The following ALPK1 variants were observed in gnomAD, a reference collection of about 807,000 sequenced individuals.
ALPK1 encodes the protein alpha-protein kinase 1.
Under a neutral mutation model 120.6 loss-of-function variants are expected in ALPK1, and 110 were observed. The observed-to-expected ratio is 0.91, with a 90% CI of 0.78 to 1.07. ALPK1 has a LOEUF of 1.07. Among genes scored for constraint, ALPK1 ranks in the 50% least tolerant of loss-of-function variants. The pLI is 0.00. For synonymous variants in ALPK1, 582 were observed against 560.3 expected (o/e 1.04, Z -0.55); for missense variants, 1,498 against 1,483.9 (o/e 1.01, Z -0.16).
chr4:112,388,123 G>T (rs1355651039), intron 4 of ALPK1, among the ~76,000 whole-genome samples: 1 of 152,216 alleles, frequency 6.6e-6, no homozygotes, highest in Middle Eastern at 3.4e-3. Context: ...CTTTTTTATG[G>T]CTGCATAGTC....
At chr4:112,349,551 G>GCAC (rs71595592) in intron 2 of ALPK1, among the ~76,000 whole-genome samples, 1 of 103,766 alleles carries the variant, frequency 9.6e-6, no homozygotes, top group Non-Finnish European at 1.9e-5. Context: ...CCCAACCCCT[G>GCAC]CCCCCCCCCG....
chr4:112,299,783 T>C (rs756743163), intron 1 of ALPK1, among the ~76,000 whole-genome samples: 11 of 152,188 alleles, frequency 7.2e-5, no homozygotes, highest in Non-Finnish European at 1.3e-4. Flanking sequence ...ACTATTATAT[T>C]TCCTCGTAAA....
At chr4:112,320,028 C>T (rs1728798845) in intron 2 of ALPK1, among the ~76,000 whole-genome samples, 1 of 152,124 alleles carries the variant, frequency 6.6e-6, no homozygotes, top group Non-Finnish European at 1.5e-5. Flanking sequence ...ATTTGGATGC[C>T]CTTTATTTCT....
Position 112,402,261 on chromosome 4 carries a change from C to T in ALPK1, c.277-9566C>T, listed in dbSNP as rs372038559. Among the ~76,000 whole-genome samples the T allele has an allele frequency of 3.5e-4, 54 of 152,298 alleles. 1 individual carries two copies. Among genetic ancestry groups the T allele is most frequent in the East Asian group, 1.9e-3 (10 of 5,186 alleles). ...GTGCCAGATGGCTTCAGTTCTGAGC[C>T]CCTTCACCCAGCCCCTCCTTGAGAA... is the stretch of plus-strand genomic sequence containing the variant. On this transcript the variant is annotated intron_variant, in intron 4 of 15. Transcript: ENST00000650871.
chr4:112,381,141 A>C (rs1296518941), intron 3 of ALPK1, among the ~76,000 whole-genome samples: 1 of 152,196 alleles, frequency 6.6e-6, no homozygotes, highest in East Asian at 1.9e-4. Context: ...TGCAAGAGGG[A>C]CTGGACGGAG....
intron 2 of ALPK1, among the ~76,000 whole-genome samples, chr4:112,362,666 G>T (rs1461137782): frequency 6.6e-6 from 1 of 152,134 alleles, no homozygotes; most frequent in Admixed American, 6.5e-5. Flanking sequence ...CACATTTAAG[G>T]GAATAATCAA....
At chr4:112,402,355 C>T (rs1425135247) in intron 4 of ALPK1, among the ~76,000 whole-genome samples, 1 of 152,228 alleles carries the variant, frequency 6.6e-6, no homozygotes, top group Non-Finnish European at 1.5e-5. Context: ...AAACTTGATG[C>T]TCAGCATCGG....
chr4:112,358,457 A>G, intron 2 of ALPK1: 1 of 658,088 alleles, frequency 1.5e-6, no homozygotes, highest in Admixed American at 2.3e-5. Context: ...CAGGAAAGCT[A>G]AGAGTCTCGA....
chr4:112,343,624 A>G (rs1729972891), intron 2 of ALPK1: 1 of 152,258 alleles, frequency 6.6e-6, no homozygotes, highest in African/African-American at 2.4e-5. Flanking sequence ...CTCCATTTGA[A>G]TGATAACAAT....
Position 112,356,748 on chromosome 4 carries a change from G to A in ALPK1, c.-100-20930G>A, listed in dbSNP as rs554766592. On this transcript the variant is annotated intron_variant, in intron 2 of 15. Transcript: ENST00000650871. ...AAGAGGGGAAGCAAGCACGGAGTAT[G>A]CCCTTATTACCTGTCCCGGAACCTG... 30 of 807,192 alleles carry A rather than the reference G, an allele frequency of 3.7e-5. 1 individual carries two copies. The highest frequency in any genetic ancestry group is 3.7e-4 in the South Asian group (28 of 75,592). The allele number at this position is 807,192 out of a possible 1,614,324, so 50.0% of individuals were successfully genotyped here. A position where few individuals can be genotyped will look rare whatever the true frequency, so the allele number is the denominator to read the frequency against.
chr4:112,366,631 T>C (rs1237606853), intron 2 of ALPK1, among the ~76,000 whole-genome samples: 1 of 152,150 alleles, frequency 6.6e-6, no homozygotes, highest in Admixed American at 6.5e-5. Flanking sequence ...CTATGGAAAA[T>C]TGTGTGTAGA....
At chr4:112,349,550 T>TGCC (rs1553939319) in intron 2 of ALPK1, among the ~76,000 whole-genome samples, 2 of 65,056 alleles carry the variant, frequency 3.1e-5, no homozygotes, top group Non-Finnish European at 5.6e-5. Flanking sequence ...CCCCAACCCC[T>TGCC]GCCCCCCCCC....
intron 2 of ALPK1, among the ~76,000 whole-genome samples, chr4:112,375,848 A>C (rs1292896146): frequency 6.6e-6 from 1 of 151,760 alleles, no homozygotes; most frequent in Non-Finnish European, 1.5e-5. Context: ...TCAGCTTAAC[A>C]TTACTAGCTG....
chr4:112,324,594 A>G (rs1034447521), intron 2 of ALPK1, among the ~76,000 whole-genome samples: 2 of 152,162 alleles, frequency 1.3e-5, no homozygotes, highest in Non-Finnish European at 2.9e-5. Flanking sequence ...CCTCCCTCTC[A>G]GCATCCTGAG....
At chr4:112,427,314 T>A (rs952311990) in intron 8 of ALPK1, among the ~76,000 whole-genome samples, 1 of 116,484 alleles carries the variant, frequency 8.6e-6, no homozygotes, top group Admixed American at 8.4e-5. Flanking sequence ...TGTCAAAATG[T>A]CACATTGTAT....
At chr4:112,382,291 T>C (rs1008821442) in intron 3 of ALPK1, 107 bp from the exon 4 acceptor site, 13 of 112,762 alleles carry the variant, frequency 1.2e-4, no homozygotes, top group South Asian at 2.5e-4. Flanking sequence ...GTTTTTCTCT[T>C]TTTTTTTTTT....
chr4:112,335,085 C>T (rs1429908134), intron 2 of ALPK1, among the ~76,000 whole-genome samples: 2 of 152,040 alleles, frequency 1.3e-5, no homozygotes, highest in South Asian at 2.1e-4. Context: ...TGAAGAAACC[C>T]CATCTCTACT....
intron 2 of ALPK1, among the ~76,000 whole-genome samples, chr4:112,370,450 T>C (rs1731355400): frequency 6.6e-6 from 1 of 152,160 alleles, no homozygotes; most frequent in African/African-American, 2.4e-5. Context: ...GAAAAAGTAA[T>C]TCATTGATTA....
intron 2 of ALPK1, chr4:112,357,214 G>A: frequency 6.5e-7 from 1 of 1,548,996 alleles, no homozygotes; most frequent in East Asian, 2.2e-5. Flanking sequence ...TTCAGACCAA[G>A]GGCTGCATCC....
Sources: gnomAD v4.1 joint callset for allele counts (sites outside exome capture counted in the v4.1 genomes callset) on GRCh38, gnomAD v4.1.1 for gene constraint, MANE v1.5 for transcripts, NCBI Gene and HGNC (gene_info 2026-07-23, HGNC 2026-07-21) for gene names.